The following TBCK variants were observed in gnomAD, a reference collection of about 807,000 sequenced individuals.
TBCK encodes TBC domain-containing protein kinase-like protein.
A neutral mutation model predicts 113.4 loss-of-function variants in TBCK; 99 were observed. The ratio of observed to expected loss-of-function variants is 0.87; its 90% CI spans 0.74 to 1.03. TBCK has a LOEUF of 1.03. Among genes scored for constraint, TBCK ranks in the 50% least tolerant of loss-of-function variants. TBCK has a pLI of 0.00. For missense variants in TBCK, 1,045 were observed against 1,061.3 expected, an observed-to-expected ratio of 0.98 and a Z score of 0.21; for synonymous variants, 369 against 370.8, an observed-to-expected ratio of 1.00 and a Z score of 0.05.
chr4:106,125,730 A>T (rs977693415), intron 23 of TBCK, among the ~76,000 whole-genome samples: 1 of 151,752 alleles, frequency 6.6e-6, no homozygotes, highest in Non-Finnish European at 1.5e-5. Flanking sequence ...ACATAGGGGG[A>T]GAGTGGTGGG....
chr4:106,092,805 G>C (rs1329064114), intron 25 of TBCK, among the ~76,000 whole-genome samples: 1 of 152,220 alleles, frequency 6.6e-6, no homozygotes, highest in Admixed American at 6.5e-5. Context: ...GAGGGAGCTG[G>C]CTCCAGCCTC....
chr4:106,310,176 C>A (rs1196814877), intron 1 of TBCK, among the ~76,000 whole-genome samples: 2 of 152,062 alleles, frequency 1.3e-5, no homozygotes, highest in Non-Finnish European at 2.9e-5. Context: ...TGACAAGAAA[C>A]CTTACTGAAA....
rs1287246996 is a variant in TBCK, at chr4:106,043,910, T to C, written c.*2660A>G. The C allele has an allele frequency of 6.6e-6, 1 of 152,164 alleles. No homozygotes were observed. The highest frequency in any genetic ancestry group is 2.4e-5 in the African/African-American group (1 of 41,420). 9.4% of individuals were successfully genotyped at this position (152,164 alleles called of 1,614,324 possible). A position where few individuals can be genotyped will look rare whatever the true frequency, so the allele number is the denominator to read the frequency against. On this transcript the variant is annotated 3_prime_UTR_variant, in exon 26 of 26. Transcript: ENST00000394708. ...ATACGTTTAATCTAACAAATAGTTG[T>C]TGAGGTCAACTGTTCGTATCATCCA... is the stretch of plus-strand genomic sequence containing the variant.
At chr4:106,105,603 A>G (rs922804769) in intron 24 of TBCK, among the ~76,000 whole-genome samples, 2 of 152,226 alleles carry the variant, frequency 1.3e-5, no homozygotes, top group African/African-American at 4.8e-5. Context: ...AATAAGGCTA[A>G]GTGTCACCTG....
chr4:106,278,600 C>A, intron 3 of TBCK, among the ~76,000 whole-genome samples: 1 of 138,244 alleles, frequency 7.2e-6, no homozygotes, highest in Admixed American at 7.3e-5. Flanking sequence ...CATGAAATGG[C>A]AAATACATAA....
chr4:106,111,529 T>C (rs754560428), intron 24 of TBCK, among the ~76,000 whole-genome samples: 5 of 152,234 alleles, frequency 3.3e-5, no homozygotes, highest in South Asian at 2.1e-4. Context: ...CAAGGAATGC[T>C]GAACAGTCCT....
intron 23 of TBCK, among the ~76,000 whole-genome samples, chr4:106,129,248 T>C (rs1560693019): frequency 6.6e-6 from 1 of 152,070 alleles, no homozygotes; most frequent in Non-Finnish European, 1.5e-5. Flanking sequence ...ATCACCTAGG[T>C]ATTAAGCCCC....
intron 24 of TBCK, among the ~76,000 whole-genome samples, chr4:106,104,060 C>A (rs975224288): frequency 6.6e-6 from 1 of 152,198 alleles, no homozygotes; most frequent in Non-Finnish European, 1.5e-5. Context: ...GACAGAGCTA[C>A]ATGAAGTCTT....
At chr4:106,198,797 G>A (rs951810457) in intron 20 of TBCK, among the ~76,000 whole-genome samples, 3 of 151,798 alleles carry the variant, frequency 2.0e-5, no homozygotes, top group African/African-American at 2.4e-5. Flanking sequence ...TAAATGCCAC[G>A]TGTCCCACTC....
intron 19 of TBCK, among the ~76,000 whole-genome samples, chr4:106,228,243 T>G (rs1758453097): frequency 6.6e-6 from 1 of 152,014 alleles, no homozygotes; most frequent in South Asian, 2.1e-4. Context: ...AACAATCCAA[T>G]TATATACTTA....
At chr4:106,227,895 GTAACAGTAACAT>G (rs986871513) in intron 19 of TBCK, among the ~76,000 whole-genome samples, 13 of 94,054 alleles carry the variant, frequency 1.4e-4, no homozygotes, top group African/African-American at 2.4e-4. Flanking sequence ...AGTACTTACA[GTAACAGTAACAT>G]TAAGAAATAA....
chr4:106,275,730 ACAT>A, intron 3 of TBCK, among the ~76,000 whole-genome samples: 1 of 152,294 alleles, frequency 6.6e-6, no homozygotes, highest in East Asian at 1.9e-4. Flanking sequence ...CAAGAACTCT[ACAT>A]CATAAACTAT....
chr4:106,216,036 C>G (rs1385430877), intron 19 of TBCK, among the ~76,000 whole-genome samples: 3 of 151,328 alleles, frequency 2.0e-5, no homozygotes, highest in Non-Finnish European at 4.4e-5. Context: ...ACAGTGCAAT[C>G]AAACTAGAAC....
chr4:106,230,453 G>T lies in TBCK; in HGVS notation c.1691-7C>A. 6.3e-7 allele frequency: 1 copy of T among 1,580,192 alleles called. No homozygotes were observed. The highest frequency in any genetic ancestry group is 8.6e-7 in the Non-Finnish European group (1 of 1,156,158). On this transcript the variant is annotated splice_region_variant and splice_polypyrimidine_tract_variant and intron_variant, in intron 18 of 25. Coordinates refer to ENST00000394708, the MANE Select transcript of TBCK (RefSeq NM_001163435.3). ...ATACATGCATAAGCCAAGGCTAAAAGAGAATAAGGCAAAGGCATGTAAAAA... is the reference window on the plus strand; with the variant it reads ...ATACATGCATAAGCCAAGGCTAAAATAGAATAAGGCAAAGGCATGTAAAAA...
intron 23 of TBCK, among the ~76,000 whole-genome samples, chr4:106,150,355 C>G (rs1311402254): frequency 3.3e-5 from 5 of 151,992 alleles, no homozygotes; most frequent in Non-Finnish European, 5.9e-5. Context: ...TGTTTAGTTA[C>G]AAAGATATGA....
chr4:106,132,346 C>A lies in TBCK; in HGVS notation c.2236-15968G>T, dbSNP rs1054834923. ...CAGCTCCAGCCCTGGCTAAAGGGGGCCAATGTACAGCTCAAGGCTTTGCTT... is the reference window on the plus strand; with the variant it reads ...CAGCTCCAGCCCTGGCTAAAGGGGGACAATGTACAGCTCAAGGCTTTGCTT... On this transcript the variant is annotated intron_variant, in intron 23 of 25. Transcript: ENST00000394708. 1.1e-4 allele frequency among the ~76,000 whole-genome samples: 17 copies of A among 152,364 alleles called. No individual in the cohort carries two copies. In the East Asian group the frequency reaches 2.9e-3, roughly 26 times the overall value.
chr4:106,231,717 A>C lies in TBCK; in HGVS notation c.1690+12T>G. 6.2e-7 allele frequency: 1 copy of C among 1,601,552 alleles called. No homozygotes were observed. The highest frequency in any genetic ancestry group is 1.1e-5 in the South Asian group (1 of 89,250). ...TATGCGCAATGATTATTTAAATGTTAAAGAGGCTTACCTTCATTATTGAAG... is the reference window on the plus strand; with the variant it reads ...TATGCGCAATGATTATTTAAATGTTCAAGAGGCTTACCTTCATTATTGAAG... On this transcript the variant is annotated intron_variant, in intron 18 of 25. Coordinates refer to ENST00000394708, the MANE Select transcript of TBCK (RefSeq NM_001163435.3).
At chr4:106,082,177 A>G (rs917354663) in intron 25 of TBCK, among the ~76,000 whole-genome samples, 34 of 152,196 alleles carry the variant, frequency 2.2e-4, no homozygotes, top group Admixed American at 9.8e-4. Flanking sequence ...TATTCACAAT[A>G]GCAAAGACAT....
chr4:106,115,809 A>G (rs977928505), intron 24 of TBCK, among the ~76,000 whole-genome samples: 1 of 152,212 alleles, frequency 6.6e-6, no homozygotes, highest in African/African-American at 2.4e-5. Flanking sequence ...TATAATGAAC[A>G]CAAGGTCAGT....
Sources: gnomAD v4.1 joint callset for allele counts (sites outside exome capture counted in the v4.1 genomes callset) on GRCh38, gnomAD v4.1.1 for gene constraint, MANE v1.5 for transcripts, NCBI Gene and HGNC (gene_info 2026-07-23, HGNC 2026-07-21) for gene names.